The following MTR variants were observed in gnomAD, a reference collection of about 807,000 sequenced individuals.
The protein encoded by MTR is methionine synthase.
A neutral mutation model predicts 154.8 loss-of-function variants in MTR; 84 were observed. That is an observed-to-expected ratio of 0.54 (90% CI 0.45 to 0.65). The LOEUF (loss-of-function observed/expected upper bound fraction) is 0.65. Ranked by LOEUF, MTR falls within the 30% of genes least tolerant of loss-of-function variation. The probability of loss-of-function intolerance (pLI) is 0.00; values close to 1 mark genes in which losing one functional copy is unlikely to be tolerated. For missense variants in MTR, 1,275 were observed against 1,570.2 expected, an observed-to-expected ratio of 0.81 and a Z score of 3.18; for synonymous variants, 554 against 553.9, an observed-to-expected ratio of 1.00 and a Z score of 0.00.
chr1:236,808,832 A>G, intron 4 of MTR, 59 bp downstream of exon 4: 1 of 1,500,528 alleles, frequency 6.7e-7, no homozygotes, highest in African/African-American at 1.4e-5. Context: ...GTCAGCTATA[A>G]TGTGCTGTCC....
At chr1:236,852,256 CGTGTGT>C (rs3856242) in intron 16 of MTR, among the ~76,000 whole-genome samples, 4 of 150,334 alleles carry the variant, frequency 2.7e-5, no homozygotes, top group Non-Finnish European at 5.9e-5. Context: ...TGTCTTTCTG[CGTGTGT>C]GTGTGTGTGT....
intron 25 of MTR, among the ~76,000 whole-genome samples, chr1:236,884,133 C>T (rs1665896167): frequency 6.6e-6 from 1 of 152,150 alleles, no homozygotes; most frequent in Non-Finnish European, 1.5e-5. Flanking sequence ...TATTGGTTTC[C>T]TTTCCAATTT....
chr1:236,903,496 A>G lies in MTR; in HGVS notation c.*5852A>G, dbSNP rs1478543581. 1 of 152,174 alleles carries G rather than the reference A, an allele frequency of 6.6e-6. No individual in the cohort carries two copies. The highest frequency in any genetic ancestry group is 1.5e-5 in the Non-Finnish European group (1 of 68,040). The allele number at this position is 152,174 out of a possible 1,614,324, so 9.4% of individuals were successfully genotyped here. A position where few individuals can be genotyped will look rare whatever the true frequency, so the allele number is the denominator to read the frequency against. On this transcript the variant is annotated 3_prime_UTR_variant, in exon 33 of 33. Coordinates refer to ENST00000366577, the MANE Select transcript of MTR (RefSeq NM_000254.3). ...GCCTTTTGCCTCATCCCTTGCTTTT[A>G]AGTATTATTATAGACTTTTGGAGAC... is the stretch of plus-strand genomic sequence containing the variant.
chr1:236,859,706 C>G (rs1205198492), intron 18 of MTR, 127 bp from the exon 19 acceptor site: 2 of 732,412 alleles, frequency 2.7e-6, no homozygotes, highest in Admixed American at 2.0e-5. Context: ...GCTGGACAGT[C>G]TACTAGGGGC....
rs915223557 is a variant in MTR at position 236,898,551 on chromosome 1, C to A, written c.*907C>A. ...AGTAGCTGGGACTACAGGTGCCCGC[C>A]ACCACACCCGGCTAATTTTTTGTGT... On this transcript the variant is annotated 3_prime_UTR_variant, in exon 33 of 33. Coordinates refer to ENST00000366577, the MANE Select transcript of MTR (RefSeq NM_000254.3). 6.6e-6 allele frequency: 1 copy of A among 151,842 alleles called. No individual in the cohort carries two copies. The highest frequency in any genetic ancestry group is 1.5e-5 in the Non-Finnish European group (1 of 67,984). The allele number at this position is 151,842 out of a possible 1,614,324, so 9.4% of individuals were successfully genotyped here. A position where few individuals can be genotyped will look rare whatever the true frequency, so the allele number is the denominator to read the frequency against.
In MTR at chr1:236,808,722, T is replaced by G. The variant is rs1014821687; in HGVS notation, c.358T>G (p.Cys120Gly). 5.0e-6 allele frequency: 8 copies of G among 1,614,098 alleles called. No individual in the cohort carries two copies. Among genetic ancestry groups the G allele is most frequent in the Non-Finnish European group, 6.8e-6 (8 of 1,180,032 alleles). Residue 120 changes from cysteine to glycine, a missense_variant, in exon 4 of 33, where the codon TGC becomes GGC. Physicochemically the swap from Cys to Gly is radical, Grantham distance 159. Transcript: ENST00000366577. ...LEHLAYRMNMCSAGVARKAAE... is the reference protein window; with the variant it reads ...LEHLAYRMNMGSAGVARKAAE... ...ACGTTAGGCCTACCGGATGAACATG[T>G]GCTCTGCAGGAGTGGCCAGAAAAGC...
intron 5 of MTR, among the ~76,000 whole-genome samples, chr1:236,812,389 C>T (rs1661353867): frequency 6.6e-6 from 1 of 152,208 alleles, no homozygotes; most frequent in Non-Finnish European, 1.5e-5. Context: ...ACAGCCATCT[C>T]TTAACCGGTT....
intron 24 of MTR, among the ~76,000 whole-genome samples, chr1:236,875,423 A>G (rs1181317682): frequency 3.3e-5 from 5 of 152,198 alleles, no homozygotes; most frequent in Non-Finnish European, 7.3e-5. Context: ...AGAAAGTTCA[A>G]ATTTGTTCAC....
chr1:236,890,129 C>T (rs1038519946), intron 28 of MTR, among the ~76,000 whole-genome samples: 2 of 151,860 alleles, frequency 1.3e-5, no homozygotes, highest in African/African-American at 4.8e-5. Flanking sequence ...AGAAACCAGC[C>T]TTTTGCCAAG....
intron 15 of MTR, among the ~76,000 whole-genome samples, chr1:236,843,976 C>T (rs1461889629): frequency 1.3e-5 from 2 of 152,114 alleles, no homozygotes; most frequent in Non-Finnish European, 2.9e-5. Flanking sequence ...ATTATTTGTA[C>T]ATGCTATTTA....
At chr1:236,867,670 G>A (rs975368926) in intron 22 of MTR, among the ~76,000 whole-genome samples, 3 of 152,178 alleles carry the variant, frequency 2.0e-5, no homozygotes, top group Non-Finnish European at 4.4e-5. Context: ...TGTAATTCAT[G>A]GGAGGAGGTC....
chr1:236,843,844 G>A (rs1452924595), intron 15 of MTR, among the ~76,000 whole-genome samples: 1 of 152,184 alleles, frequency 6.6e-6, no homozygotes, highest in Non-Finnish European at 1.5e-5. Flanking sequence ...GGTTTGGGAT[G>A]GGGTAAGGAG....
chr1:236,820,449 A>G (rs1661863305), intron 8 of MTR: 31 of 1,398,298 alleles, frequency 2.2e-5, no homozygotes, highest in Non-Finnish European at 2.9e-5. Flanking sequence ...TCAGCCTGCC[A>G]CGGAAGACTG....
chr1:236,799,220 C>G (rs1259439778), intron 1 of MTR, among the ~76,000 whole-genome samples: 1 of 151,910 alleles, frequency 6.6e-6, no homozygotes, highest in Non-Finnish European at 1.5e-5. Context: ...TTCCCAGGCT[C>G]AAGCAGTTTT....
intron 19 of MTR, 134 bp downstream of exon 19, chr1:236,860,056 C>G: frequency 2.2e-6 from 1 of 459,482 alleles, no homozygotes; most frequent in Non-Finnish European, 4.1e-6. Context: ...GTCCCTCTTG[C>G]TGTCCCCCAG....
chr1:236,860,185 A>AGGGGC (rs1664453032), intron 19 of MTR, among the ~76,000 whole-genome samples: 1 of 149,438 alleles, frequency 6.7e-6, no homozygotes, highest in Admixed American at 6.9e-5. Flanking sequence ...GGGTGCTGCT[A>AGGGGC]AACATCCTGC....
chr1:236,841,857 A>G (rs562941278), intron 15 of MTR, among the ~76,000 whole-genome samples: 2 of 150,166 alleles, frequency 1.3e-5, no homozygotes, highest in Non-Finnish European at 3.0e-5. Context: ...TCTCATTCCC[A>G]CTGGTATTAG....
At chr1:236,835,801 C>G in intron 14 of MTR, 114 bp downstream of exon 14, 1 of 1,408,226 alleles carries the variant, frequency 7.1e-7, no homozygotes, top group African/African-American at 1.4e-5. Context: ...TTCTGTTTCT[C>G]AACATCGAAA....
intron 15 of MTR, among the ~76,000 whole-genome samples, chr1:236,849,972 T>G (rs1203716936): frequency 1.3e-5 from 2 of 152,194 alleles, no homozygotes; most frequent in Non-Finnish European, 2.9e-5. Flanking sequence ...TTTAGTAGTA[T>G]TTGATTTTTT....
Sources: allele counts gnomAD v4.1 joint callset (sites outside exome capture counted in the v4.1 genomes callset), GRCh38; gene constraint gnomAD v4.1.1; transcripts MANE v1.5; gene names NCBI Gene and HGNC (gene_info 2026-07-23, HGNC 2026-07-21).